The following IGFBP2 variants were observed in gnomAD, a reference collection of about 807,000 sequenced individuals.
The protein encoded by IGFBP2 is insulin-like growth factor-binding protein 2.
A neutral mutation model predicts 26.2 loss-of-function variants in IGFBP2; 12 were observed. The observed-to-expected ratio is 0.46, with a 90% CI of 0.29 to 0.74. The LOEUF (loss-of-function observed/expected upper bound fraction) is 0.74. Among genes scored for constraint, IGFBP2 ranks in the 30% least tolerant of loss-of-function variants. IGFBP2 has a pLI of 0.09. For synonymous variants in IGFBP2, 189 were observed against 200.6 expected (o/e 0.94, Z 0.49); for missense variants, 328 against 441.2 (o/e 0.74, Z 2.30).
chr2:216,636,230 C>A (rs888767977), intron 1 of IGFBP2, among the ~76,000 whole-genome samples: 1 of 152,124 alleles, frequency 6.6e-6, no homozygotes, highest in South Asian at 2.1e-4. Flanking sequence ...CTCTGCCTCC[C>A]ACTCCATCTC....
At chr2:216,638,002 G>A (rs9341113) in intron 1 of IGFBP2, among the ~76,000 whole-genome samples, 10,801 of 152,096 alleles carry the variant, frequency 0.071, 424 homozygotes, top group African/African-American at 0.091. Flanking sequence ...AGCCTGGCCA[G>A]TATAGTGAAA....
At position 216,633,480 on chromosome 2, in the gene IGFBP2, C is replaced by CCGCT. The variant is rs1242751512; in HGVS notation, c.-32_-29dup. On this transcript the variant is annotated 5_prime_UTR_variant, in exon 1 of 4. Transcript: ENST00000233809. ...AGGGCCGTGCCACCTGCCCGCCCGC[C>CCGCT]CGCTCGCTCGCTCGCCCGCCGCGCC... is the stretch of plus-strand genomic sequence containing the variant. 1.2e-4 allele frequency: 59 copies of CCGCT among 500,556 alleles called. No individual in the cohort carries two copies. The highest frequency in any genetic ancestry group is 1.9e-4 in the Admixed American group (3 of 15,918). 31.0% of individuals were successfully genotyped at this position (500,556 alleles called of 1,614,324 possible).
intron 1 of IGFBP2, among the ~76,000 whole-genome samples, chr2:216,641,850 C>A (rs1432204768): frequency 6.6e-6 from 1 of 150,762 alleles, no homozygotes; most frequent in Non-Finnish European, 1.5e-5. Context: ...CCACCACGCC[C>A]GGCTAATTTT....
At chr2:216,642,202 G>A (rs1251050634) in intron 1 of IGFBP2, among the ~76,000 whole-genome samples, 1 of 151,180 alleles carries the variant, frequency 6.6e-6, no homozygotes, top group Non-Finnish European at 1.5e-5. Context: ...GTTTCACAGT[G>A]TTAGCCAGGA....
intron 2 of IGFBP2, chr2:216,661,597 C>A (rs1688651179): frequency 1.8e-6 from 1 of 556,406 alleles, no homozygotes; most frequent in Non-Finnish European, 3.3e-6. Context: ...CATTCTGACA[C>A]ATGAAAGCCA....
At chr2:216,637,751 C>T (rs1333274191) in intron 1 of IGFBP2, among the ~76,000 whole-genome samples, 1 of 152,164 alleles carries the variant, frequency 6.6e-6, no homozygotes, top group Non-Finnish European at 1.5e-5. Flanking sequence ...TGGCTCTTGG[C>T]CAAGTGGACT....
intron 1 of IGFBP2, among the ~76,000 whole-genome samples, chr2:216,646,997 A>T (rs1382404648): frequency 6.6e-6 from 1 of 152,230 alleles, no homozygotes; most frequent in African/African-American, 2.4e-5. Context: ...ATGCTTTTTC[A>T]TGCTGGAGGG....
intron 1 of IGFBP2, 151 bp downstream of exon 1, chr2:216,634,116 TCAG>T: frequency 1.5e-6 from 2 of 1,292,730 alleles, no homozygotes; most frequent in Middle Eastern, 5.7e-4. Flanking sequence ...GACGCGGAAG[TCAG>T]GCCCGGGGAG....
At chr2:216,655,784 A>C (rs543570650) in intron 1 of IGFBP2, among the ~76,000 whole-genome samples, 2 of 151,890 alleles carry the variant, frequency 1.3e-5, no homozygotes, top group African/African-American at 4.8e-5. Context: ...AGTTCCAGCT[A>C]CTCGAGAAGC....
chr2:216,638,491 G>C (rs748829735), intron 1 of IGFBP2, among the ~76,000 whole-genome samples: 1 of 151,600 alleles, frequency 6.6e-6, no homozygotes, highest in Non-Finnish European at 1.5e-5. Context: ...GGCAACAAGA[G>C]TGAAACTCCG....
rs139257098 is a variant in IGFBP2, at chr2:216,658,487, C to A, written c.443-2070C>A. ...TCATCATCATCAGTGTAATAACCAG[C>A]AGCAACATGGATATAGAATTTCTGT... On this transcript the variant is annotated intron_variant, in intron 1 of 3. Coordinates refer to ENST00000233809, the MANE Select transcript of IGFBP2 (RefSeq NM_000597.3). Among the ~76,000 whole-genome samples the A allele has an allele frequency of 4.5e-3, 687 of 152,202 alleles. 5 individuals carry two copies. The highest frequency in any genetic ancestry group is 0.016 in the African/African-American group (649 of 41,522).
Position 216,633,427 on chromosome 2 carries a change from A to T in IGFBP2, c.-97A>T, listed in dbSNP as rs561475799. 548 of 187,798 alleles carry T rather than the reference A, an allele frequency of 2.9e-3. 4 individuals are homozygous for T. Among genetic ancestry groups the T allele is most frequent in the African/African-American group, 0.012 (525 of 42,052 alleles). The allele number at this position is 187,798 out of a possible 1,614,324, so 11.6% of individuals were successfully genotyped here. A position where few individuals can be genotyped will look rare whatever the true frequency, so the allele number is the denominator to read the frequency against. ...GCTGCGGCGGCGAGGGAGGAGGAAG[A>T]AGCGGAGGAGGCGGCTCCCGCGCTC... On this transcript the variant is annotated 5_prime_UTR_variant, in exon 1 of 4. Transcript: ENST00000233809.
chr2:216,647,957 T>G (rs889211513), intron 1 of IGFBP2, among the ~76,000 whole-genome samples: 17 of 152,214 alleles, frequency 1.1e-4, no homozygotes, highest in Admixed American at 6.5e-5. Flanking sequence ...TTTTCATCAA[T>G]GCAATCAAGT....
Position 216,636,911 on chromosome 2 carries a change from A to ACAGG in IGFBP2, c.442+2960_442+2963dup, listed in dbSNP as rs770168119. 3.7e-3 allele frequency among the ~76,000 whole-genome samples: 426 copies of ACAGG among 116,326 alleles called. 25 individuals carry two copies. Among genetic ancestry groups the ACAGG allele is most frequent in the African/African-American group, 0.012 (358 of 29,768 alleles). 76.3% of individuals were successfully genotyped at this position (116,326 alleles called of 152,430 possible). Reference sequence around the variant, plus strand: ...TCGTTCAAAGTCCCAGGGCGGGCAGACAGGCAGGCAGGCAGGCGGGCGGGC... The same window carrying ACAGG: ...TCGTTCAAAGTCCCAGGGCGGGCAGACAGGCAGGCAGGCAGGCAGGCGGGCGGGC... On this transcript the variant is annotated intron_variant, in intron 1 of 3. Transcript: ENST00000233809.
Position 216,633,945 on chromosome 2 carries a change from C to T in IGFBP2, c.422C>T (p.Ala141Val). Residue 141 changes from alanine to valine, a missense_variant, in exon 1 of 4, where the codon GCC becomes GTC. By Grantham distance (64) the Ala-to-Val change is moderately conservative. Transcript: ENST00000233809. ...CEKRRDAEYG[A>V]SPEQVADNGD... ...AAGCGCCGGGACGCCGAGTATGGCG[C>T]CAGCCCGGAGCAGGTTGCAGGTAAC... is the stretch of plus-strand genomic sequence containing the variant. 1 of 1,602,790 alleles carries T rather than the reference C, an allele frequency of 6.2e-7. No individual in the cohort carries two copies. The highest frequency in any genetic ancestry group is 8.5e-7 in the Non-Finnish European group (1 of 1,175,920).
Position 216,664,135 on chromosome 2 carries a change from C to G in IGFBP2, c.*31C>G. Reference sequence around the variant, plus strand: ...AGCCAGCCGGTGCCTGGCGCCCCTGCCCCCCGCCCCTCTCCAAACACCGGC... The same window carrying G: ...AGCCAGCCGGTGCCTGGCGCCCCTGGCCCCCGCCCCTCTCCAAACACCGGC... On this transcript the variant is annotated 3_prime_UTR_variant, in exon 4 of 4. Coordinates refer to ENST00000233809, the MANE Select transcript of IGFBP2 (RefSeq NM_000597.3). The surrounding 1 kb of genome is among the most constrained non-coding windows in gnomAD (Gnocchi z 4.6). 1 of 1,504,008 alleles carries G rather than the reference C, an allele frequency of 6.6e-7. No homozygotes were observed. The highest frequency in any genetic ancestry group is 8.9e-7 in the Non-Finnish European group (1 of 1,119,168). The allele number at this position is 1,504,008 out of a possible 1,614,324, so 93.2% of individuals were successfully genotyped here. A position where few individuals can be genotyped will look rare whatever the true frequency, so the allele number is the denominator to read the frequency against.
chr2:216,632,871 G>A (rs1697405652), upstream of IGFBP2: 1 of 152,174 alleles, frequency 6.6e-6, no homozygotes, highest in Non-Finnish European at 1.5e-5. Flanking sequence ...ATTCGGGGCT[G>A]TTTGGGTCTA....
At chr2:216,650,073 A>G (rs539099861) in intron 1 of IGFBP2, among the ~76,000 whole-genome samples, 1 of 152,338 alleles carries the variant, frequency 6.6e-6, no homozygotes, top group Non-Finnish European at 1.5e-5. Flanking sequence ...TTCTTCAGGA[A>G]ACAGACAGAA....
intron 1 of IGFBP2, chr2:216,659,526 A>T (rs1466001048): frequency 5.0e-6 from 3 of 598,018 alleles, no homozygotes; most frequent in Non-Finnish European, 6.1e-6. Context: ...GCCCTTCTGG[A>T]GCTTGCTGGG....
Sources: allele counts gnomAD v4.1 joint callset (sites outside exome capture counted in the v4.1 genomes callset), GRCh38; gene constraint gnomAD v4.1.1; non-coding constraint Gnocchi (gnomAD v3.1); transcripts MANE v1.5; gene names NCBI Gene and HGNC (gene_info 2026-07-23, HGNC 2026-07-21).